The following RPL14 variants were observed in gnomAD, a reference collection of about 807,000 sequenced individuals.
The protein encoded by RPL14 is ribosomal protein L14.
RPL14 carries 4 observed loss-of-function variants against 25.3 expected under a neutral mutation model. The ratio of observed to expected loss-of-function variants is 0.16; its 90% CI spans 0.08 to 0.36. RPL14 has a LOEUF of 0.36. RPL14 is among the 10% of genes least tolerant of loss of function. The pLI is 1.00. For missense variants in RPL14, 212 were observed against 261.9 expected (o/e 0.81, Z 1.31); for synonymous variants, 75 against 89.8 (o/e 0.84, Z 0.93).
rs566207562 is a variant in RPL14 at position 40,458,005 on chromosome 3, C to G, written c.105+14C>G. On this transcript the variant is annotated intron_variant, in intron 2 of 5. Transcript: ENST00000396203. ...GATCAGAACAGGGTAAGTGTCACAA[C>G]TTTTTACTAAACATGGCAGTGGACA... is the stretch of plus-strand genomic sequence containing the variant. 2 of 1,608,414 alleles carry G rather than the reference C, an allele frequency of 1.2e-6. No homozygotes were observed. The highest frequency in any genetic ancestry group is 2.2e-5 in the South Asian group (2 of 90,954).
At chr3:40,458,579 A>G (rs1484176647) in intron 2 of RPL14, 63 bp from the exon 3 acceptor site, 1 of 1,260,912 alleles carries the variant, frequency 7.9e-7, no homozygotes, top group Non-Finnish European at 1.2e-6. Flanking sequence ...ATGTTACAGA[A>G]CCATCTGACC....
intron 3 of RPL14, 113 bp from the exon 4 acceptor site, chr3:40,461,294 T>G: frequency 1.3e-6 from 1 of 771,284 alleles, no homozygotes; most frequent in Non-Finnish European, 2.2e-6. Flanking sequence ...AAATACATAG[T>G]GTACCAGGTG....
intron 3 of RPL14, 163 bp downstream of exon 3, chr3:40,458,899 C>G: frequency 3.2e-6 from 2 of 623,812 alleles, no homozygotes; most frequent in Non-Finnish European, 5.7e-6. Flanking sequence ...GTCTTGCCTG[C>G]GCGTGATAGC....
chr3:40,467,973 A>G lies in RPL14; in HGVS notation c.*5741A>G, dbSNP rs1462820672. The G allele has an allele frequency of 1.3e-5, 2 of 152,022 alleles. No homozygotes were observed. The highest frequency in any genetic ancestry group is 4.8e-5 in the African/African-American group (2 of 41,360). The allele number at this position is 152,022 out of a possible 1,614,324, so 9.4% of individuals were successfully genotyped here. A position where few individuals can be genotyped will look rare whatever the true frequency, so the allele number is the denominator to read the frequency against. The stretch of plus-strand genomic sequence containing the variant: ...GTAGCTGGGATTACAGGAGTGTGCC[A>G]CCACACCTGGCTAATGTTTGTATTG... On this transcript the variant is annotated 3_prime_UTR_variant, in exon 6 of 6. Transcript: ENST00000396203.
rs1221643328 is a variant in RPL14, at chr3:40,464,132, A to C, written c.*1900A>C. The C allele has an allele frequency of 3.7e-6, 1 of 269,748 alleles. No individual in the cohort carries two copies. Among genetic ancestry groups the C allele is most frequent in the Admixed American group, 4.3e-5 (1 of 23,042 alleles). The allele number at this position is 269,748 out of a possible 1,614,324, so 16.7% of individuals were successfully genotyped here. On this transcript the variant is annotated 3_prime_UTR_variant, in exon 6 of 6. Transcript: ENST00000396203. ...AATGCGTGTACCACCATGCCCCTCT[A>C]ATATTGTATTAGAGATGGGGTTTTG...
At chr3:40,459,629 G>A (rs1320947512) in intron 3 of RPL14, among the ~76,000 whole-genome samples, 1 of 152,120 alleles carries the variant, frequency 6.6e-6, no homozygotes, top group Non-Finnish European at 1.5e-5. Flanking sequence ...GCCGAGGCGG[G>A]TGGATCACGA....
At position 40,457,836 on chromosome 3, in the gene RPL14, T is replaced by C. The variant is rs1696867903; in HGVS notation, c.4-54T>C. The C allele has an allele frequency of 2.1e-6, 3 of 1,459,426 alleles. No homozygotes were observed. The African/African-American group carries it at 4.2e-5, about 20-fold the overall frequency. 90.4% of individuals were successfully genotyped at this position (1,459,426 alleles called of 1,614,324 possible). A position where few individuals can be genotyped will look rare whatever the true frequency, so the allele number is the denominator to read the frequency against. ...TTGTCTTTAGCTGCAGAAGGTGACA[T>C]ATGTAGCGAGTATTTCTAAGTAAGT... On this transcript the variant is annotated intron_variant, in intron 1 of 5. Transcript: ENST00000396203.
In RPL14 at chr3:40,463,774, C is replaced by T. The variant is rs1309247886; in HGVS notation, c.*1542C>T. 2.0e-5 allele frequency: 3 copies of T among 152,116 alleles called. 1 individual carries two copies. The highest frequency in any genetic ancestry group is 4.4e-5 in the Non-Finnish European group (3 of 68,086). 9.4% of individuals were successfully genotyped at this position (152,116 alleles called of 1,614,324 possible). On this transcript the variant is annotated 3_prime_UTR_variant, in exon 6 of 6. Transcript: ENST00000396203. ...TTCCTGTATAGACCTAGGTCCCATC[C>T]CCAAAGTGTCATGTATATGCACTTA...
chr3:40,461,375 A>G, intron 3 of RPL14, 32 bp from the exon 4 acceptor site: 1 of 1,588,432 alleles, frequency 6.3e-7, no homozygotes, highest in African/African-American at 1.3e-5. Flanking sequence ...TTCAAAGCTG[A>G]TTTCTTAATC....
chr3:40,460,555 G>A (rs1575251271), intron 3 of RPL14, among the ~76,000 whole-genome samples: 1 of 151,152 alleles, frequency 6.6e-6, no homozygotes, highest in South Asian at 2.1e-4. Flanking sequence ...TTTTCAACAC[G>A]TCCACTGCCC....
Position 40,463,739 on chromosome 3 carries a change from A to G in RPL14, c.*1507A>G, listed in dbSNP as rs2125626652. ...CCTTCAGGGTACATGTATATGAAGC[A>G]TAAATGAATTTCCTGTATAGACCTA... is the stretch of plus-strand genomic sequence containing the variant. On this transcript the variant is annotated 3_prime_UTR_variant, in exon 6 of 6. Transcript: ENST00000396203. 6.6e-6 allele frequency: 1 copy of G among 152,356 alleles called. No individual in the cohort carries two copies. The highest frequency in any genetic ancestry group is 1.5e-5 in the Non-Finnish European group (1 of 68,064). 9.4% of individuals were successfully genotyped at this position (152,356 alleles called of 1,614,324 possible). A position where few individuals can be genotyped will look rare whatever the true frequency, so the allele number is the denominator to read the frequency against.
At position 40,465,690 on chromosome 3, in the gene RPL14, G is replaced by C. The variant is rs1167986768; in HGVS notation, c.*3458G>C. On this transcript the variant is annotated 3_prime_UTR_variant, in exon 6 of 6. Transcript: ENST00000396203. ...CTTTTGTCAGACTGCCTGTGGCTTT[G>C]AGAGCCCTTTGGCTACAGTCCATGA... The C allele has an allele frequency of 1.3e-5, 2 of 152,192 alleles. No homozygotes were observed. Among genetic ancestry groups the C allele is most frequent in the Non-Finnish European group, 2.9e-5 (2 of 68,086 alleles). 9.4% of individuals were successfully genotyped at this position (152,192 alleles called of 1,614,324 possible). A position where few individuals can be genotyped will look rare whatever the true frequency, so the allele number is the denominator to read the frequency against.
chr3:40,463,972 A>C lies in RPL14; in HGVS notation c.*1740A>C, dbSNP rs115029556. On this transcript the variant is annotated 3_prime_UTR_variant, in exon 6 of 6. Coordinates refer to ENST00000396203, the MANE Select transcript of RPL14 (RefSeq NM_001034996.3). ...ACAAAGCTGTACATGAAACAGGATT[A>C]CTTTTTTTTTTTTTTTTGAGACAGA... is the stretch of plus-strand genomic sequence containing the variant. The C allele has an allele frequency of 0.017, 1,410 of 81,716 alleles. 23 individuals are homozygous for C. The highest frequency in any genetic ancestry group is 0.1 in the Middle Eastern group (13 of 128). 5.1% of individuals were successfully genotyped at this position (81,716 alleles called of 1,614,324 possible).
intron 3 of RPL14, among the ~76,000 whole-genome samples, chr3:40,460,012 A>T (rs1696911451): frequency 6.6e-6 from 1 of 152,164 alleles, no homozygotes; most frequent in Non-Finnish European, 1.5e-5. Flanking sequence ...TACTACTGTG[A>T]CATACCAATT....
chr3:40,461,736 G>A (rs1696939509), intron 5 of RPL14, 75 bp downstream of exon 5: 2 of 1,418,672 alleles, frequency 1.4e-6, no homozygotes, highest in Non-Finnish European at 1.9e-6. Context: ...TCCCATTTCA[G>A]GCTGCCAGCT....
At chr3:40,458,313 G>T in intron 2 of RPL14, 2 of 513,330 alleles carry the variant, frequency 3.9e-6, no homozygotes, top group South Asian at 5.0e-5. Flanking sequence ...CTGTGTATTT[G>T]AAACAAGCAA....
At chr3:40,461,573 G>C in intron 4 of RPL14, 35 bp from the exon 5 acceptor site, 1 of 1,600,332 alleles carries the variant, frequency 6.2e-7, no homozygotes, top group Non-Finnish European at 8.5e-7. Flanking sequence ...TAGTGTGAGA[G>C]GGATAATTTT....
rs1450925645 is a variant in RPL14 at position 40,457,353 on chromosome 3, C to G, written c.-119C>G. ...GGGTCTTCTTCCTTCTCGCCTAACG[C>G]CGCCAACATGGTGAGTCTTACTGTT... is the stretch of plus-strand genomic sequence containing the variant. On this transcript the variant is annotated 5_prime_UTR_variant, in exon 1 of 6. Transcript: ENST00000396203. 1.2e-6 allele frequency: 2 copies of G among 1,606,226 alleles called. No individual in the cohort carries two copies. Among genetic ancestry groups the G allele is most frequent in the Admixed American group, 1.7e-5 (1 of 59,464 alleles).
chr3:40,468,492 TTAGA>T lies in RPL14; in HGVS notation c.*6264_*6267del, dbSNP rs1697060580. Reference sequence around the variant, plus strand: ...TGTATTTATTCTATTTGGATAGCCATTAGATAGCCATTAAGTCCACTCATAGAGT... The same window carrying T: ...TGTATTTATTCTATTTGGATAGCCATTAGCCATTAAGTCCACTCATAGAGT... On this transcript the variant is annotated 3_prime_UTR_variant, in exon 6 of 6. Transcript: ENST00000396203. The T allele has an allele frequency of 2.0e-5, 3 of 152,358 alleles. No individual in the cohort carries two copies. In the South Asian group the frequency reaches 6.2e-4, roughly 32 times the overall value. 9.4% of individuals were successfully genotyped at this position (152,358 alleles called of 1,614,324 possible).
Sources: allele counts gnomAD v4.1 joint callset (sites outside exome capture counted in the v4.1 genomes callset), GRCh38; gene constraint gnomAD v4.1.1; transcripts MANE v1.5; gene names NCBI Gene and HGNC (gene_info 2026-07-23, HGNC 2026-07-21).